Variants in SLC25A16 observed in about 807,000 individuals in gnomAD.
The protein encoded by SLC25A16 is solute carrier family 25 member 16.
SLC25A16 carries 39 observed loss-of-function variants against 41.5 expected under a neutral mutation model. The observed-to-expected ratio is 0.94, with a 90% CI of 0.73 to 1.23. SLC25A16 has a LOEUF of 1.23. Among genes scored for constraint, SLC25A16 ranks in the 50% most tolerant of loss-of-function variants. The pLI is 0.00. For missense variants in SLC25A16, 421 were observed against 426.9 expected (o/e 0.99, Z 0.12); for synonymous variants, 146 against 147.8 (o/e 0.99, Z 0.09).
At chr10:68,494,501 A>C in intron 4 of SLC25A16, among the ~76,000 whole-genome samples, 1 of 36,224 alleles carries the variant, frequency 2.8e-5, no homozygotes. Context: ...GGGAGGAGGG[A>C]GGGGAGGAGA....
At chr10:68,514,844 TCTC>T (rs946022570) in intron 2 of SLC25A16, among the ~76,000 whole-genome samples, 2 of 151,786 alleles carry the variant, frequency 1.3e-5, no homozygotes, top group Admixed American at 6.6e-5. Flanking sequence ...TTCAAGCTAT[TCTC>T]CTGCCTCAAT....
intron 8 of SLC25A16, 91 bp from the exon 9 acceptor site, chr10:68,483,679 G>A: frequency 9.1e-7 from 1 of 1,102,130 alleles, no homozygotes; most frequent in Non-Finnish European, 1.3e-6. Flanking sequence ...TTTTTGAGAT[G>A]GACTCTTGCT....
intron 6 of SLC25A16, among the ~76,000 whole-genome samples, chr10:68,488,886 G>GA (rs928800842): frequency 1.3e-5 from 2 of 151,488 alleles, no homozygotes; most frequent in East Asian, 1.9e-4. Flanking sequence ...TTTATATGTG[G>GA]AAAAAAAACA....
At chr10:68,510,258 A>C (rs919261592) in intron 2 of SLC25A16, among the ~76,000 whole-genome samples, 19 of 152,010 alleles carry the variant, frequency 1.2e-4, no homozygotes, top group Non-Finnish European at 2.4e-4. Context: ...GGGGTCGGGC[A>C]CAGTGGCTGA....
intron 4 of SLC25A16, chr10:68,496,551 G>A (rs1375620937): frequency 1.0e-6 from 1 of 982,998 alleles, no homozygotes; most frequent in African/African-American, 1.7e-5. Context: ...GCTGAGACTT[G>A]CTTTCAATTT....
rs116081067 is a variant in SLC25A16, at chr10:68,521,464, T to C, written c.131-4621A>G. Reference sequence around the variant, plus strand: ...GAATCGCTTGAACCCAAGAAGCGGATGTTTCAGTGAGCAGAGATGGTGCCA... The same window carrying C: ...GAATCGCTTGAACCCAAGAAGCGGACGTTTCAGTGAGCAGAGATGGTGCCA... On this transcript the variant is annotated intron_variant, in intron 1 of 8. Coordinates refer to ENST00000609923, the MANE Select transcript of SLC25A16 (RefSeq NM_152707.4). 6.6e-3 allele frequency among the ~76,000 whole-genome samples: 1,005 copies of C among 151,614 alleles called. 19 individuals carry two copies. The highest frequency in any genetic ancestry group is 0.023 in the African/African-American group (962 of 41,346).
chr10:68,518,253 ACT>A (rs1183016163), intron 1 of SLC25A16: 19 of 151,386 alleles, frequency 1.3e-4, no homozygotes, highest in African/African-American at 4.6e-4. Context: ...CCCCATTTCT[ACT>A]AAAAATAAAA....
At chr10:68,486,000 T>C (rs1344399551) in intron 8 of SLC25A16, among the ~76,000 whole-genome samples, 3 of 150,518 alleles carry the variant, frequency 2.0e-5, no homozygotes, top group Non-Finnish European at 3.0e-5. Context: ...GATTTCACCA[T>C]GTTAGCCAGG....
intron 3 of SLC25A16, among the ~76,000 whole-genome samples, chr10:68,503,928 C>A (rs976112645): frequency 9.2e-5 from 14 of 151,376 alleles, no homozygotes; most frequent in African/African-American, 3.4e-4. Context: ...CAGAAGCAAG[C>A]TAGCTTAGTA....
At position 68,505,968 on chromosome 10, in the gene SLC25A16, G is replaced by A. The variant is rs189434974; in HGVS notation, c.357+617C>T. Among the ~76,000 whole-genome samples the A allele has an allele frequency of 4.9e-3, 743 of 151,756 alleles. 7 individuals carry two copies. Among genetic ancestry groups the A allele is most frequent in the African/African-American group, 0.017 (687 of 41,344 alleles). Reference sequence around the variant, plus strand: ...AACTGCTTGAACCCAGGAGATGGAGGTGGCAGTGAGCCAAGAGTGCACCAC... The same window carrying A: ...AACTGCTTGAACCCAGGAGATGGAGATGGCAGTGAGCCAAGAGTGCACCAC... On this transcript the variant is annotated intron_variant, in intron 3 of 8. Transcript: ENST00000609923.
Position 68,483,565 on chromosome 10 carries a change from T to C in SLC25A16, c.866A>G (p.Tyr289Cys), listed in dbSNP as rs2052512699. The change falls in exon 9 of 9, where the codon TAT (tyrosine) becomes TGT (cysteine). Residue 289 changes from tyrosine (Y) to cysteine (C), a missense_variant. By Grantham distance (194) the Tyr-to-Cys change is radical (BLOSUM62 -2). Transcript: ENST00000609923. ...KCLTMRDTMK[Y>C]VYGHHGIRKG... ...TCGAATTCCATGGTGTCCATAGACA[T>C]ACTTCATAGTATCCCGCATGGTACT... 7 of 1,608,894 alleles carry C rather than the reference T, an allele frequency of 4.4e-6. No individual in the cohort carries two copies. The highest frequency in any genetic ancestry group is 5.1e-6 in the Non-Finnish European group (6 of 1,177,672).
chr10:68,521,625 G>A (rs1408702562), intron 1 of SLC25A16, among the ~76,000 whole-genome samples: 1 of 134,912 alleles, frequency 7.4e-6, no homozygotes, highest in African/African-American at 2.9e-5. Context: ...ACGGAGTCTC[G>A]CTCTGTCGCC....
intron 4 of SLC25A16, among the ~76,000 whole-genome samples, chr10:68,495,905 T>C (rs926270094): frequency 6.6e-5 from 10 of 151,868 alleles, no homozygotes; most frequent in African/African-American, 2.4e-4. Flanking sequence ...TGGGTTTCAA[T>C]CCTGTTATCT....
chr10:68,524,309 T>TAAAA (rs2053298552), intron 1 of SLC25A16, among the ~76,000 whole-genome samples: 1 of 8,878 alleles, frequency 1.1e-4, no homozygotes, highest in South Asian at 3.8e-3. Flanking sequence ...AAACTCCATC[T>TAAAA]CAAAAAAAAA....
intron 3 of SLC25A16, among the ~76,000 whole-genome samples, chr10:68,505,762 C>T (rs879422201): frequency 6.6e-6 from 1 of 151,964 alleles, no homozygotes; most frequent in Non-Finnish European, 1.5e-5. Context: ...AGGCCGGGCA[C>T]GGTGGCTCAA....
intron 4 of SLC25A16, among the ~76,000 whole-genome samples, chr10:68,498,254 T>C (rs929753235): frequency 6.6e-6 from 1 of 152,034 alleles, no homozygotes; most frequent in African/African-American, 2.4e-5. Context: ...TCCAAACACG[T>C]AGGAAGCTTG....
chr10:68,497,216 C>T (rs2052763271), intron 4 of SLC25A16, among the ~76,000 whole-genome samples: 1 of 152,090 alleles, frequency 6.6e-6, no homozygotes, highest in Non-Finnish European at 1.5e-5. Flanking sequence ...ATCCAGAGTC[C>T]ATGTACATAT....
At chr10:68,483,678 T>C (rs2052514872) in intron 8 of SLC25A16, 90 bp from the exon 9 acceptor site, 1 of 1,122,624 alleles carries the variant, frequency 8.9e-7, no homozygotes, top group East Asian at 2.6e-5. Flanking sequence ...TTTTTTGAGA[T>C]GGACTCTTGC....
At chr10:68,521,643 G>T (rs1383151054) in intron 1 of SLC25A16, among the ~76,000 whole-genome samples, 4 of 146,104 alleles carry the variant, frequency 2.7e-5, no homozygotes, top group Non-Finnish European at 4.5e-5. Context: ...GCCCAGGCTG[G>T]AGTGCAGTGG....
Sources: allele counts gnomAD v4.1 joint callset (sites outside exome capture counted in the v4.1 genomes callset), GRCh38; gene constraint gnomAD v4.1.1; transcripts MANE v1.5; gene names NCBI Gene and HGNC (gene_info 2026-07-23, HGNC 2026-07-21).